Variants in ATRNL1 observed in about 807,000 individuals in gnomAD.
ATRNL1 encodes attractin like 1, also known as attractin-like protein 1.
ATRNL1 carries 95 observed loss-of-function variants against 182.7 expected under a neutral mutation model. That is an observed-to-expected ratio of 0.52 (90% confidence interval 0.44 to 0.62). The LOEUF (loss-of-function observed/expected upper bound fraction) is 0.62. ATRNL1 is among the 20% of genes least tolerant of loss of function. The pLI, the probability that ATRNL1 is intolerant of heterozygous loss-of-function variation, is 0.00. For missense variants in ATRNL1, 1,471 were observed against 1,679.5 expected, an observed-to-expected ratio of 0.88 and a Z score of 2.17; for synonymous variants, 576 against 568.3, an observed-to-expected ratio of 1.01 and a Z score of -0.19.
intron 19 of ATRNL1, among the ~76,000 whole-genome samples, chr10:115,375,877 T>G (rs1554949409): frequency 6.6e-6 from 1 of 152,176 alleles, no homozygotes; most frequent in African/African-American, 2.4e-5. Flanking sequence ...ATACCACTGT[T>G]ACTGTATTAC....
intron 9 of ATRNL1, among the ~76,000 whole-genome samples, chr10:115,225,482 A>AATATAATATC (rs1849656958): frequency 6.8e-6 from 1 of 147,658 alleles, no homozygotes; most frequent in Non-Finnish European, 1.5e-5. Context: ...AGATTAATAT[A>AATATAATATC]ATATAATATA....
At chr10:115,942,756 A>G (rs1309053750) in intron 28 of ATRNL1, among the ~76,000 whole-genome samples, 1 of 152,238 alleles carries the variant, frequency 6.6e-6, no homozygotes, top group Non-Finnish European at 1.5e-5. Context: ...AAATGAGCCA[A>G]AAGTCCTTTT....
At chr10:115,926,854 C>T (rs1272809194) in intron 28 of ATRNL1, among the ~76,000 whole-genome samples, 2 of 152,060 alleles carry the variant, frequency 1.3e-5, no homozygotes, top group Admixed American at 1.3e-4. Flanking sequence ...TCAGAAGATA[C>T]CATTCCTTCT....
intron 28 of ATRNL1, among the ~76,000 whole-genome samples, chr10:115,866,890 G>A (rs1414982376): frequency 6.6e-6 from 1 of 152,168 alleles, no homozygotes; most frequent in Non-Finnish European, 1.5e-5. Context: ...ATCCGCCTCT[G>A]AGTCTCGTAA....
chr10:115,717,548 C>CTTTTTTTTTTTTTTTTT lies in ATRNL1; in HGVS notation c.3796-9695_3796-9679dup, dbSNP rs61386440. ...TGATTTTCCCGCTGCCTGAAATGTT[C>CTTTTTTTTTTTTTTTTT]TTTTTTTTTTTTTTTTTTTTTGAGA... On this transcript the variant is annotated intron_variant, in intron 26 of 28. Transcript: ENST00000355044. Among the ~76,000 whole-genome samples, 27 of 84,360 alleles carry CTTTTTTTTTTTTTTTTT rather than the reference C, an allele frequency of 3.2e-4. 3 individuals are homozygous for CTTTTTTTTTTTTTTTTT. Among genetic ancestry groups the CTTTTTTTTTTTTTTTTT allele is most frequent in the South Asian group, 1.0e-3 (2 of 1,908 alleles). 55.3% of individuals were successfully genotyped at this position (84,360 alleles called of 152,430 possible). A position where few individuals can be genotyped will look rare whatever the true frequency, so the allele number is the denominator to read the frequency against.
At chr10:115,549,931 T>G (rs575588373) in intron 26 of ATRNL1, among the ~76,000 whole-genome samples, 8 of 152,038 alleles carry the variant, frequency 5.3e-5, no homozygotes, top group Non-Finnish European at 1.2e-4. Flanking sequence ...TTGAAAAATA[T>G]TTTATCTCCT....
intron 28 of ATRNL1, among the ~76,000 whole-genome samples, chr10:115,932,715 C>A (rs1953439448): frequency 6.6e-6 from 1 of 152,098 alleles, no homozygotes; most frequent in Non-Finnish European, 1.5e-5. Flanking sequence ...TAATGCCAAA[C>A]TTTTAAAAAT....
intron 26 of ATRNL1, among the ~76,000 whole-genome samples, chr10:115,577,955 A>G (rs1854827159): frequency 6.6e-6 from 1 of 151,676 alleles, no homozygotes; most frequent in Non-Finnish European, 1.5e-5. Flanking sequence ...TATTAAAAAA[A>G]ATCATGAACA....
At chr10:115,825,267 A>G (rs565861724) in intron 27 of ATRNL1, among the ~76,000 whole-genome samples, 1 of 152,108 alleles carries the variant, frequency 6.6e-6, no homozygotes, top group Non-Finnish European at 1.5e-5. Flanking sequence ...AACATCTCAC[A>G]CCAGGGCCTG....
At chr10:115,572,510 C>T (rs1398476049) in intron 26 of ATRNL1, among the ~76,000 whole-genome samples, 1 of 152,026 alleles carries the variant, frequency 6.6e-6, no homozygotes, top group Non-Finnish European at 1.5e-5. Flanking sequence ...GTACCTTAAC[C>T]TAAACCATAA....
chr10:115,389,678 T>A (rs1271508120), intron 19 of ATRNL1, among the ~76,000 whole-genome samples: 1 of 149,868 alleles, frequency 6.7e-6, no homozygotes, highest in Non-Finnish European at 1.5e-5. Context: ...CGACTATCTC[T>A]TTGGCATACT....
chr10:115,754,600 C>G (rs1555071459), intron 27 of ATRNL1, among the ~76,000 whole-genome samples: 1 of 152,102 alleles, frequency 6.6e-6, no homozygotes, highest in East Asian at 1.9e-4. Flanking sequence ...AGTCAGGTAG[C>G]ATGATGCCTC....
chr10:115,408,207 G>C (rs1299830665), intron 20 of ATRNL1, among the ~76,000 whole-genome samples: 2 of 151,284 alleles, frequency 1.3e-5, no homozygotes, highest in East Asian at 3.9e-4. Context: ...GTTTCACCTT[G>C]TTAGCCAGGA....
At chr10:115,784,381 G>A (rs1555079986) in intron 27 of ATRNL1, among the ~76,000 whole-genome samples, 10 of 152,140 alleles carry the variant, frequency 6.6e-5, no homozygotes, top group Non-Finnish European at 7.3e-5. Flanking sequence ...CCATGATATA[G>A]GTATGCCCAA....
intron 5 of ATRNL1, among the ~76,000 whole-genome samples, chr10:115,156,109 C>T (rs1184088384): frequency 6.6e-6 from 1 of 152,038 alleles, no homozygotes; most frequent in Non-Finnish European, 1.5e-5. Context: ...AGTGAGGAGT[C>T]AGGGGAACAG....
At chr10:115,132,560 G>A (rs562596586) in intron 5 of ATRNL1, among the ~76,000 whole-genome samples, 1,613 of 151,912 alleles carry the variant, frequency 0.011, 27 homozygotes, top group African/African-American at 0.036. Context: ...GTGTAAAAGT[G>A]TTCCTATTTC....
In ATRNL1 at chr10:115,816,581, G is replaced by A. The variant is rs140776330; in HGVS notation, c.3904-31296G>A. Among the ~76,000 whole-genome samples, 321 of 150,130 alleles carry A rather than the reference G, an allele frequency of 2.1e-3. 1 individual carries two copies. The highest frequency in any genetic ancestry group is 6.6e-3 in the African/African-American group (271 of 40,814). On this transcript the variant is annotated intron_variant, in intron 27 of 28. Transcript: ENST00000355044. ...CAGAAGGACGTGAAGAAGAGTGAGC[G>A]ACCTGTTTAGACACACTTATAAGGA...
At chr10:115,815,009 C>G (rs1329578631) in intron 27 of ATRNL1, among the ~76,000 whole-genome samples, 2 of 152,116 alleles carry the variant, frequency 1.3e-5, no homozygotes, top group African/African-American at 4.8e-5. Context: ...CATACCTGAT[C>G]AAGTTAGAAG....
intron 21 of ATRNL1, among the ~76,000 whole-genome samples, chr10:115,453,813 G>A (rs1847392407): frequency 7.2e-6 from 1 of 138,456 alleles, no homozygotes; most frequent in Admixed American, 7.3e-5. Flanking sequence ...TGGGGGAGGG[G>A]GGAGGGATAG....
Sources: allele counts gnomAD v4.1 joint callset (sites outside exome capture counted in the v4.1 genomes callset), GRCh38; gene constraint gnomAD v4.1.1; transcripts MANE v1.5; gene names NCBI Gene and HGNC (gene_info 2026-07-23, HGNC 2026-07-21).